The following DLG2 variants were observed in gnomAD, a reference collection of about 807,000 sequenced individuals.
DLG2 encodes the protein discs large MAGUK scaffold protein 2, also known as disks large homolog 2.
Under a neutral mutation model 132.5 loss-of-function variants are expected in DLG2, and 45 were observed. The ratio of observed to expected loss-of-function variants is 0.34; its 90% confidence interval spans 0.27 to 0.44. The LOEUF is 0.44. Among genes scored for constraint, DLG2 ranks in the 20% least tolerant of loss-of-function variants. The pLI is 1.00. For synonymous variants in DLG2, 424 were observed against 419.6 expected, an observed-to-expected ratio of 1.01 and a Z score of -0.13; for missense variants, 1,045 against 1,196.9, an observed-to-expected ratio of 0.87 and a Z score of 1.87.
chr11:85,390,003 C>T (rs961042275), intron 3 of DLG2, among the ~76,000 whole-genome samples: 9 of 152,232 alleles, frequency 5.9e-5, no homozygotes, highest in Non-Finnish European at 1.0e-4. Context: ...TAGTACCTCA[C>T]ATCTCCATAC....
intron 8 of DLG2, among the ~76,000 whole-genome samples, chr11:84,244,623 T>C (rs1004265713): frequency 1.3e-5 from 2 of 152,202 alleles, no homozygotes; most frequent in Non-Finnish European, 2.9e-5. Context: ...TATTGCTTCA[T>C]AGGAGTAGTT....
At chr11:83,805,279 A>C (rs2045607299) in intron 17 of DLG2, among the ~76,000 whole-genome samples, 1 of 152,078 alleles carries the variant, frequency 6.6e-6, no homozygotes, top group Non-Finnish European at 1.5e-5. Context: ...TAGCGGGTTA[A>C]AAAATGGTTA....
chr11:83,730,350 A>T (rs1288424748), intron 18 of DLG2, among the ~76,000 whole-genome samples: 2 of 152,076 alleles, frequency 1.3e-5, no homozygotes, highest in East Asian at 3.9e-4. Flanking sequence ...TTTATAATAC[A>T]ATATTTCAAA....
chr11:84,752,237 T>C (rs1047761553), intron 6 of DLG2, among the ~76,000 whole-genome samples: 1 of 152,106 alleles, frequency 6.6e-6, no homozygotes, highest in Non-Finnish European at 1.5e-5. Flanking sequence ...AGTATGTTTA[T>C]TGAAGACCTA....
intron 4 of DLG2, among the ~76,000 whole-genome samples, chr11:85,274,499 T>C (rs1464628238): frequency 1.3e-5 from 2 of 152,168 alleles, no homozygotes; most frequent in African/African-American, 4.8e-5. Flanking sequence ...ATAGCCAAGT[T>C]TACAAATAAG....
rs550713065 is a variant in DLG2, at chr11:83,688,217, T to C, written c.1826-54892A>G. 2.0e-5 allele frequency among the ~76,000 whole-genome samples: 3 copies of C among 152,270 alleles called. 1 individual carries two copies. The highest frequency in any genetic ancestry group is 2.0e-4 in the Admixed American group (3 of 15,286). ...TTTGAATTTAACAATATTCATTTAT[T>C]CAGAAATTTCCTTAGTCTTGTCCCC... is the stretch of plus-strand genomic sequence containing the variant. On this transcript the variant is annotated intron_variant, in intron 18 of 27. Coordinates refer to ENST00000376104, the MANE Select transcript of DLG2 (RefSeq NM_001142699.3).
intron 2 of DLG2, among the ~76,000 whole-genome samples, chr11:85,616,955 C>T (rs2081380197): frequency 2.0e-5 from 3 of 152,298 alleles, no homozygotes; most frequent in South Asian, 4.1e-4. Context: ...CAGAAGTAAG[C>T]TGTTTTATAT....
chr11:84,260,752 A>G (rs1241647331), intron 7 of DLG2, among the ~76,000 whole-genome samples: 1 of 152,204 alleles, frequency 6.6e-6, no homozygotes, highest in Non-Finnish European at 1.5e-5. Flanking sequence ...GATGGCTAGA[A>G]GGAAGCAAAA....
intron 7 of DLG2, among the ~76,000 whole-genome samples, chr11:84,341,730 C>T (rs2098515950): frequency 6.6e-6 from 1 of 152,218 alleles, no homozygotes; most frequent in South Asian, 2.1e-4. Flanking sequence ...TTTGAATGGC[C>T]TGTGTTTTGC....
At chr11:84,453,436 G>A (rs1473124980) in intron 7 of DLG2, among the ~76,000 whole-genome samples, 1 of 151,580 alleles carries the variant, frequency 6.6e-6, no homozygotes, top group African/African-American at 2.4e-5. Context: ...AGAAAAGGTA[G>A]TAAGGCTAGA....
intron 3 of DLG2, among the ~76,000 whole-genome samples, chr11:85,383,165 CTAA>C (rs2086037186): frequency 3.3e-5 from 5 of 152,090 alleles, no homozygotes; most frequent in Admixed American, 3.3e-4. Flanking sequence ...GAATTAAGTA[CTAA>C]TGTCTACTAA....
chr11:85,570,139 A>G (rs2077765906), intron 3 of DLG2, among the ~76,000 whole-genome samples: 1 of 152,206 alleles, frequency 6.6e-6, no homozygotes, highest in Admixed American at 6.5e-5. Context: ...GTTTTTTAAA[A>G]AAACAAATTT....
intron 6 of DLG2, among the ~76,000 whole-genome samples, chr11:84,786,052 T>A (rs2072840212): frequency 6.6e-6 from 1 of 152,174 alleles, no homozygotes; most frequent in South Asian, 2.1e-4. Context: ...TCTACTATGC[T>A]ATCATTACTT....
intron 3 of DLG2, among the ~76,000 whole-genome samples, chr11:85,389,777 G>T (rs928025316): frequency 2.6e-5 from 4 of 152,052 alleles, no homozygotes; most frequent in Admixed American, 2.6e-4. Flanking sequence ...CATAAATGAA[G>T]GAAAGATACA....
chr11:84,881,898 GATTA>G (rs2087407728), intron 6 of DLG2, among the ~76,000 whole-genome samples: 1 of 151,992 alleles, frequency 6.6e-6, no homozygotes, highest in Non-Finnish European at 1.5e-5. Flanking sequence ...TGCTGTCCAG[GATTA>G]ATTAAAGTTT....
chr11:84,738,468 T>C (rs2153820193), intron 6 of DLG2, among the ~76,000 whole-genome samples: 1 of 152,290 alleles, frequency 6.6e-6, no homozygotes, highest in East Asian at 1.9e-4. Flanking sequence ...GCTACCTTCT[T>C]GATTTCAATA....
At chr11:84,852,124 G>A (rs1320441504) in intron 6 of DLG2, among the ~76,000 whole-genome samples, 3 of 151,976 alleles carry the variant, frequency 2.0e-5, no homozygotes, top group Non-Finnish European at 4.4e-5. Context: ...CAGGAAATCT[G>A]CAGCTATAGC....
chr11:84,832,818 T>C (rs1283835239), intron 6 of DLG2, among the ~76,000 whole-genome samples: 4 of 151,364 alleles, frequency 2.6e-5, no homozygotes, highest in African/African-American at 9.7e-5. Flanking sequence ...AATTCCCCCC[T>C]CCGCCCCCAG....
At chr11:84,497,613 T>G (rs895043697) in intron 7 of DLG2, among the ~76,000 whole-genome samples, 3 of 152,202 alleles carry the variant, frequency 2.0e-5, no homozygotes, top group African/African-American at 7.2e-5. Context: ...ATTATAAGCT[T>G]ATTTGTCCTC....
Sources: allele counts gnomAD v4.1 joint callset (sites outside exome capture counted in the v4.1 genomes callset), GRCh38; gene constraint gnomAD v4.1.1; transcripts MANE v1.5; gene names NCBI Gene and HGNC (gene_info 2026-07-23, HGNC 2026-07-21).